ZNF69: variants seen among roughly 807,000 people sequenced by gnomAD.
The protein encoded by ZNF69 is ZNF3.
In ZNF69, 47 loss-of-function variants were observed where a neutral mutation model predicts 50.9. That is an observed-to-expected ratio of 0.92 (90% CI 0.73 to 1.18). ZNF69 has a LOEUF of 1.18. ZNF69 is among the 50% of genes most tolerant of loss of function. ZNF69 has a pLI of 0.00. For synonymous variants in ZNF69, 216 were observed against 223.1 expected, an observed-to-expected ratio of 0.97 and a Z score of 0.29; for missense variants, 717 against 675.1, an observed-to-expected ratio of 1.06 and a Z score of -0.69.
the ZNF69 span, chr19:11,925,140 TAACCGGTCAGA>T: frequency 6.3e-7 from 1 of 1,581,992 alleles, no homozygotes; most frequent in Non-Finnish European, 8.6e-7. Context: ...CGGCGGTTGG[TAACCGGTCAGA>T]CCAGCCCGAG....
chr19:11,951,150 CAAA>C, the ZNF69 span, among the ~76,000 whole-genome samples: 638 of 65,038 alleles, frequency 9.8e-3, 4 homozygotes, highest in African/African-American at 0.028. Context: ...ACTCCATCTC[CAAA>C]AAAAAAAAAA....
chr19:11,937,630 A>G, the ZNF69 span, among the ~76,000 whole-genome samples: 1 of 151,604 alleles, frequency 6.6e-6, no homozygotes, highest in South Asian at 2.1e-4. Context: ...CTGAGACTAC[A>G]GGTGCCTACC....
At chr19:11,901,997 T>C (rs1972255578) in intron 1 of ZNF69, among the ~76,000 whole-genome samples, 1 of 150,340 alleles carries the variant, frequency 6.7e-6, no homozygotes, top group Non-Finnish European at 1.5e-5. Context: ...TTTTTTTTTT[T>C]TGAATCGGAG....
chr19:11,922,710 GC>G, the ZNF69 span, among the ~76,000 whole-genome samples: 45 of 152,286 alleles, frequency 3.0e-4, no homozygotes, highest in South Asian at 1.4e-3. Flanking sequence ...CTCTTATGTG[GC>G]CAGAATGATC....
the ZNF69 span, among the ~76,000 whole-genome samples, chr19:11,938,880 A>C: frequency 2.0e-5 from 3 of 152,144 alleles, no homozygotes; most frequent in African/African-American, 7.2e-5. Flanking sequence ...CATCCTCTCC[A>C]GCACCTGTTG....
the ZNF69 span, chr19:11,939,933 G>A: frequency 6.6e-6 from 1 of 151,584 alleles, no homozygotes; most frequent in Non-Finnish European, 1.5e-5. Context: ...GCATGTTGTA[G>A]TATGTAACAA....
the ZNF69 span, chr19:11,956,719 A>G: frequency 2.6e-6 from 1 of 388,424 alleles, no homozygotes. Flanking sequence ...AGCCAGGTGT[A>G]GGGGCTCAAG....
the ZNF69 span, among the ~76,000 whole-genome samples, chr19:11,935,609 A>G: frequency 6.6e-6 from 1 of 152,188 alleles, no homozygotes; most frequent in Non-Finnish European, 1.5e-5. Flanking sequence ...ATACCAGTCC[A>G]TCACCAGATA....
exon 5 of ZNF69, chr19:11,913,499 C>G (rs2145255911): frequency 2.2e-6 from 1 of 449,374 alleles, no homozygotes; most frequent in African/African-American, 2.1e-5. Flanking sequence ...AGCAACTCTC[C>G]TGCTTCAGCC....
At chr19:11,933,345 G>A in the ZNF69 span, among the ~76,000 whole-genome samples, 1 of 148,100 alleles carries the variant, frequency 6.8e-6, no homozygotes, top group Non-Finnish European at 1.5e-5. Flanking sequence ...ATGTGAACAC[G>A]ATGAAAATTG....
chr19:11,978,212 G>A, the ZNF69 span: 5 of 1,613,768 alleles, frequency 3.1e-6, no homozygotes, highest in South Asian at 1.1e-5. Flanking sequence ...ACTTCCAGGA[G>A]AAGAAAGCTT....
downstream of ZNF69, among the ~76,000 whole-genome samples, chr19:11,909,177 T>C (rs1333991519): frequency 6.6e-6 from 1 of 152,150 alleles, no homozygotes; most frequent in Non-Finnish European, 1.5e-5. Flanking sequence ...GAGGCAATAA[T>C]TAATAGACTA....
the ZNF69 span, chr19:11,979,779 C>T: frequency 6.3e-7 from 1 of 1,581,664 alleles, no homozygotes. Flanking sequence ...AGAACTCACA[C>T]TGGAGAGAAA....
chr19:11,927,422 TTAAATAAATAAATAAATAAA>T, the ZNF69 span, among the ~76,000 whole-genome samples: 12 of 143,130 alleles, frequency 8.4e-5, 1 homozygote, highest in Admixed American at 3.5e-4. Context: ...CTGTCTCTAT[TTAAATAAATAAATAAATAAA>T]TAAATAAATA....
chr19:11,953,955 A>G, the ZNF69 span, among the ~76,000 whole-genome samples: 1 of 152,220 alleles, frequency 6.6e-6, no homozygotes, highest in African/African-American at 2.4e-5. Context: ...TTTTCTGGTT[A>G]TATATGGAAA....
intron 1 of ZNF69, among the ~76,000 whole-genome samples, chr19:11,892,412 G>A (rs368177840): frequency 5.3e-5 from 8 of 152,042 alleles, no homozygotes; most frequent in African/African-American, 1.7e-4. Context: ...TGATAGCCAT[G>A]AAGTCTTTGT....
At chr19:11,888,428 G>C (rs1977000492) in intron 1 of ZNF69, among the ~76,000 whole-genome samples, 1 of 152,162 alleles carries the variant, frequency 6.6e-6, no homozygotes, top group Non-Finnish European at 1.5e-5. Context: ...AGCGATTCAC[G>C]AATGAGACAC....
In ZNF69 at chr19:11,905,452, G is replaced by T; in HGVS notation, c.1055G>T (p.Arg352Ile). ...CTTACAAGTTTTCAAACACACATAAGAATGCACTCTGGAGAAAGACCTTAT... is the reference window on the plus strand; with the variant it reads ...CTTACAAGTTTTCAAACACACATAATAATGCACTCTGGAGAAAGACCTTAT... ...SSLTSFQTHI[R>I]MHSGERPYEC... The change falls in exon 4 of 4, where the codon AGA (arginine) becomes ATA (isoleucine). Residue 352 changes from arginine (R) to isoleucine (I), a missense_variant. By Grantham distance (97) the Arg-to-Ile change is moderately conservative (BLOSUM62 -3). Transcript: ENST00000429654. 6.2e-7 allele frequency: 1 copy of T among 1,614,188 alleles called. No individual in the cohort carries two copies. The highest frequency in any genetic ancestry group is 8.5e-7 in the Non-Finnish European group (1 of 1,180,028).
Position 11,905,826 on chromosome 19 carries a change from C to A in ZNF69, c.1429C>A (p.Pro477Thr). 1 of 1,613,802 alleles carries A rather than the reference C, an allele frequency of 6.2e-7. No homozygotes were observed. Among genetic ancestry groups the A allele is most frequent in the South Asian group, 1.1e-5 (1 of 91,060 alleles). Reference sequence around the variant, plus strand: ...CGTAAGAATACACTCTGGAGAAAGACCTTATAAATGTAAGCTATGTGGGAA... The same window carrying A: ...CGTAAGAATACACTCTGGAGAAAGAACTTATAAATGTAAGCTATGTGGGAA... ...THVRIHSGER[P>T]YKCKLCGKGF... Residue 477 changes from proline (P) to threonine (T), a missense_variant, in exon 4 of 4, where the codon CCT becomes ACT. Coordinates refer to ENST00000429654, the MANE Select transcript of ZNF69 (RefSeq NM_001364730.1).
Sources: allele counts gnomAD v4.1 joint callset (sites outside exome capture counted in the v4.1 genomes callset), GRCh38; gene constraint gnomAD v4.1.1; transcripts MANE v1.5; gene names NCBI Gene and HGNC (gene_info 2026-07-23, HGNC 2026-07-21).